LIN52: variants seen among roughly 807,000 people sequenced by gnomAD.
LIN52 encodes protein lin-52 homolog.
Under a neutral mutation model 18.5 loss-of-function variants are expected in LIN52, and 4 were observed. That is an observed-to-expected ratio of 0.22 (90% confidence interval 0.11 to 0.49). The LOEUF (loss-of-function observed/expected upper bound fraction) is 0.49, where lower values mean the gene tolerates loss of function less well. LIN52 is among the 20% of genes least tolerant of loss of function. LIN52 has a pLI of 0.97. For synonymous variants in LIN52, 34 were observed against 45.5 expected (o/e 0.75, Z 1.02); for missense variants, 102 against 139.5 (o/e 0.73, Z 1.35).
Position 74,199,105 on chromosome 14 carries a change from C to G in LIN52, c.*128C>G, listed in dbSNP as rs1428127645. On this transcript the variant is annotated 3_prime_UTR_variant, in exon 6 of 6. Transcript: ENST00000555028. Reference sequence around the variant, plus strand: ...GGTGTACCTCCAGGACTGCCCTCTCCCCTGCTCCTGGCACTCTACACGTCT... The same window carrying G: ...GGTGTACCTCCAGGACTGCCCTCTCGCCTGCTCCTGGCACTCTACACGTCT... 1.5e-6 allele frequency: 1 copy of G among 659,828 alleles called. No individual in the cohort carries two copies. Among genetic ancestry groups the G allele is most frequent in the Non-Finnish European group, 2.7e-6 (1 of 371,688 alleles). 40.9% of individuals were successfully genotyped at this position (659,828 alleles called of 1,614,324 possible). A position where few individuals can be genotyped will look rare whatever the true frequency, so the allele number is the denominator to read the frequency against.
chr14:74,094,593 A>C (rs1366260755), intron 2 of LIN52, among the ~76,000 whole-genome samples: 2 of 152,188 alleles, frequency 1.3e-5, no homozygotes, highest in African/African-American at 4.8e-5. Context: ...ACAGTTTATC[A>C]GTGAATACCC....
At chr14:74,123,126 A>G (rs1376341880) in intron 5 of LIN52, among the ~76,000 whole-genome samples, 1 of 152,238 alleles carries the variant, frequency 6.6e-6, no homozygotes, top group African/African-American at 2.4e-5. Context: ...AATTTTAAGC[A>G]TGGTAGACAT....
intron 5 of LIN52, among the ~76,000 whole-genome samples, chr14:74,130,618 G>A (rs1351594931): frequency 2.6e-4 from 26 of 99,464 alleles, no homozygotes; most frequent in Non-Finnish European, 3.6e-4. Context: ...TTTTTGAGAC[G>A]GAGTCTCACT....
intron 5 of LIN52, among the ~76,000 whole-genome samples, chr14:74,181,786 A>G (rs1050579277): frequency 6.6e-6 from 1 of 152,188 alleles, no homozygotes; most frequent in Non-Finnish European, 1.5e-5. Context: ...AAAAACAGAA[A>G]GTTTACTAGC....
intron 5 of LIN52, among the ~76,000 whole-genome samples, chr14:74,177,809 G>A (rs1011321315): frequency 2.0e-5 from 3 of 152,018 alleles, no homozygotes; most frequent in Admixed American, 6.6e-5. Context: ...ATGGAGTCTC[G>A]CTCTGTCGCC....
At chr14:74,171,801 C>G (rs1312408160) in intron 5 of LIN52, among the ~76,000 whole-genome samples, 4 of 135,558 alleles carry the variant, frequency 3.0e-5, no homozygotes, top group Non-Finnish European at 6.0e-5. Context: ...AGCAATGGTG[C>G]GATCTTGGCT....
At position 74,199,029 on chromosome 14, in the gene LIN52, G is replaced by A. The variant is rs79709521; in HGVS notation, c.*52G>A. The A allele has an allele frequency of 4.7e-4, 614 of 1,295,674 alleles. 4 individuals carry two copies. The African/African-American group carries it at 7.4e-3, about 16-fold the overall frequency. 80.3% of individuals were successfully genotyped at this position (1,295,674 alleles called of 1,614,324 possible). Reference sequence around the variant, plus strand: ...GGGTCCGAAACCAAGCTCCCTTCCCGGTGCACCTCTAACAATGCACACCTC... The same window carrying A: ...GGGTCCGAAACCAAGCTCCCTTCCCAGTGCACCTCTAACAATGCACACCTC... On this transcript the variant is annotated 3_prime_UTR_variant, in exon 6 of 6. Coordinates refer to ENST00000555028, the MANE Select transcript of LIN52 (RefSeq NM_001024674.3).
chr14:74,197,038 T>A (rs747771684), intron 5 of LIN52, among the ~76,000 whole-genome samples: 3 of 152,204 alleles, frequency 2.0e-5, no homozygotes, highest in Non-Finnish European at 4.4e-5. Context: ...GACCCCAGTC[T>A]CTCCATGAAC....
chr14:74,188,096 G>A (rs1173906380), intron 5 of LIN52, among the ~76,000 whole-genome samples: 1 of 152,136 alleles, frequency 6.6e-6, no homozygotes, highest in African/African-American at 2.4e-5. Flanking sequence ...AATCCATAAT[G>A]TCCAATGAAC....
chr14:74,121,315 A>G (rs1358082831), intron 5 of LIN52, among the ~76,000 whole-genome samples: 2 of 152,088 alleles, frequency 1.3e-5, no homozygotes, highest in Non-Finnish European at 2.9e-5. Context: ...TATATTATTG[A>G]TTTACTCTAT....
intron 5 of LIN52, among the ~76,000 whole-genome samples, chr14:74,110,965 C>CAA (rs1242695199): frequency 2.6e-5 from 3 of 114,790 alleles, no homozygotes; most frequent in Non-Finnish European, 3.8e-5. Context: ...GACTCCGTCT[C>CAA]AAAAAAAAAA....
In LIN52 at chr14:74,090,463, G is replaced by A. The variant is rs1339998162; in HGVS notation, c.20-769G>A. Reference sequence around the variant, plus strand: ...CAATTCTCCTCCCTCAGCCTCCTGAGTAGCTGGGATTACAGGCGCCTGCTA... The same window carrying A: ...CAATTCTCCTCCCTCAGCCTCCTGAATAGCTGGGATTACAGGCGCCTGCTA... On this transcript the variant is annotated intron_variant, in intron 1 of 5. Coordinates refer to ENST00000555028, the MANE Select transcript of LIN52 (RefSeq NM_001024674.3). 6.6e-5 allele frequency among the ~76,000 whole-genome samples: 10 copies of A among 151,576 alleles called. 1 individual carries two copies. Among genetic ancestry groups the A allele is most frequent in the Non-Finnish European group, 1.5e-4 (10 of 67,972 alleles).
chr14:74,133,764 A>C (rs990177519), intron 5 of LIN52, among the ~76,000 whole-genome samples: 3 of 152,234 alleles, frequency 2.0e-5, no homozygotes, highest in African/African-American at 7.2e-5. Flanking sequence ...TGGCGATGGT[A>C]AAAGATGTCC....
intron 5 of LIN52, among the ~76,000 whole-genome samples, chr14:74,138,341 G>A (rs2061109669): frequency 6.6e-6 from 1 of 152,190 alleles, no homozygotes; most frequent in African/African-American, 2.4e-5. Flanking sequence ...TTTGAGAATG[G>A]ATAAGATATT....
At chr14:74,176,152 G>T (rs2061293471) in intron 5 of LIN52, among the ~76,000 whole-genome samples, 1 of 152,156 alleles carries the variant, frequency 6.6e-6, no homozygotes, top group Non-Finnish European at 1.5e-5. Flanking sequence ...TGTAGGAGCT[G>T]CCTGAGGCTG....
At chr14:74,093,034 G>A (rs1009623020) in intron 2 of LIN52, among the ~76,000 whole-genome samples, 10 of 151,704 alleles carry the variant, frequency 6.6e-5, no homozygotes, top group African/African-American at 2.2e-4. Context: ...TCACTGCAAC[G>A]TCCGCCTCCC....
At chr14:74,099,796 G>A (rs2060841474) in intron 4 of LIN52, among the ~76,000 whole-genome samples, 1 of 152,106 alleles carries the variant, frequency 6.6e-6, no homozygotes, top group Non-Finnish European at 1.5e-5. Context: ...TCCTGGGTGG[G>A]GGCCACAAGA....
chr14:74,181,627 G>A (rs926493506), intron 5 of LIN52, among the ~76,000 whole-genome samples: 8 of 139,646 alleles, frequency 5.7e-5, no homozygotes, highest in African/African-American at 2.1e-4. Flanking sequence ...CCATAAGCAG[G>A]TTAAGCTGTA....
chr14:74,122,263 G>T (rs568317722), intron 5 of LIN52, among the ~76,000 whole-genome samples: 49 of 152,248 alleles, frequency 3.2e-4, no homozygotes, highest in African/African-American at 1.1e-3. Context: ...TAATTATATT[G>T]TAGCTATGTA....
Sources: allele counts gnomAD v4.1 joint callset (sites outside exome capture counted in the v4.1 genomes callset), GRCh38; gene constraint gnomAD v4.1.1; transcripts MANE v1.5; gene names NCBI Gene and HGNC (gene_info 2026-07-23, HGNC 2026-07-21).